The following ICA1L variants were observed in gnomAD, a reference collection of about 807,000 sequenced individuals.
ICA1L encodes the protein islet cell autoantigen 1 like.
ICA1L carries 50 observed loss-of-function variants against 61.3 expected under a neutral mutation model. The observed-to-expected ratio is 0.82, with a 90% CI of 0.65 to 1.03. The LOEUF (loss-of-function observed/expected upper bound fraction) is 1.03, where lower values mean the gene tolerates loss of function less well. ICA1L is among the 50% of genes least tolerant of loss of function. The pLI, the probability that ICA1L is intolerant of heterozygous loss-of-function variation, is 0.00. For missense variants in ICA1L, 508 were observed against 556.7 expected, an observed-to-expected ratio of 0.91 and a Z score of 0.88; for synonymous variants, 161 against 191.3, an observed-to-expected ratio of 0.84 and a Z score of 1.31.
intron 1 of ICA1L, among the ~76,000 whole-genome samples, chr2:202,830,933 C>T (rs187637771): frequency 7.2e-5 from 11 of 151,920 alleles, no homozygotes; most frequent in African/African-American, 2.2e-4. Context: ...AAACAAAAAT[C>T]GAAATCCAAC....
At chr2:202,837,520 C>T (rs1280605751) in intron 1 of ICA1L, among the ~76,000 whole-genome samples, 5 of 152,070 alleles carry the variant, frequency 3.3e-5, no homozygotes, top group Admixed American at 3.3e-4. Flanking sequence ...ATCCGCCCAC[C>T]TCAGCCTCCC....
At chr2:202,788,470 C>G (rs967891221) in intron 11 of ICA1L, among the ~76,000 whole-genome samples, 2 of 152,132 alleles carry the variant, frequency 1.3e-5, no homozygotes, top group African/African-American at 4.8e-5. Context: ...CAGAGCTGTT[C>G]TTTTTCCTCT....
At position 202,796,979 on chromosome 2, in the gene ICA1L, C is replaced by T; in HGVS notation, c.911-15G>A. On this transcript the variant is annotated splice_polypyrimidine_tract_variant and intron_variant, in intron 9 of 12. Coordinates refer to ENST00000358299, the MANE Select transcript of ICA1L (RefSeq NM_001288622.3). ...ATCTTTGTTTGCTAAATCAAAAGCA[C>T]ATAAAAGAGAAGTTGAACAAGAAGA... The T allele has an allele frequency of 1.3e-6, 2 of 1,556,158 alleles. No homozygotes were observed. Among genetic ancestry groups the T allele is most frequent in the Non-Finnish European group, 1.7e-6 (2 of 1,145,976 alleles).
intron 9 of ICA1L, among the ~76,000 whole-genome samples, chr2:202,798,451 G>A (rs1247692481): frequency 2.0e-5 from 3 of 152,050 alleles, no homozygotes; most frequent in Non-Finnish European, 4.4e-5. Flanking sequence ...ATGTTACCCA[G>A]GCAAGTTTTG....
chr2:202,821,682 C>A (rs982180011), intron 3 of ICA1L: 2 of 347,434 alleles, frequency 5.8e-6, no homozygotes, highest in African/African-American at 4.3e-5. Context: ...AATCTGGCTT[C>A]TTATCAGCAC....
chr2:202,871,075 A>G (rs1335766859), intron 1 of ICA1L: 3 of 152,160 alleles, frequency 2.0e-5, no homozygotes, highest in South Asian at 4.1e-4. Flanking sequence ...CACATTTACT[A>G]TGTTTTGTTT....
intron 1 of ICA1L, chr2:202,840,339 G>T: frequency 2.1e-6 from 1 of 481,696 alleles, no homozygotes; most frequent in Non-Finnish European, 4.1e-6. Context: ...GTTCACTTGG[G>T]CAGGACATCA....
rs777642431 is a variant in ICA1L at position 202,849,664 on chromosome 2, G to C, written c.-7-20648C>G. ...TTTAGATAAAACTCCCATCTCCCTAGGACAGAGCACCTGGGGGAAGGGGCA... is the reference window on the plus strand; with the variant it reads ...TTTAGATAAAACTCCCATCTCCCTACGACAGAGCACCTGGGGGAAGGGGCA... On this transcript the variant is annotated intron_variant, in intron 1 of 12. Coordinates refer to ENST00000358299, the MANE Select transcript of ICA1L (RefSeq NM_001288622.3). The surrounding 1 kb of genome is among the most constrained non-coding windows in gnomAD (Gnocchi z 4.5). Among the ~76,000 whole-genome samples, 1 of 152,184 alleles carries C rather than the reference G, an allele frequency of 6.6e-6. No homozygotes were observed. The highest frequency in any genetic ancestry group is 2.4e-5 in the African/African-American group (1 of 41,442).
intron 1 of ICA1L, among the ~76,000 whole-genome samples, chr2:202,865,497 A>C (rs1203781200): frequency 1.3e-5 from 2 of 152,034 alleles, no homozygotes; most frequent in Non-Finnish European, 2.9e-5. Flanking sequence ...ACAACAACAA[A>C]AAAACCCACA....
At chr2:202,827,122 G>A (rs1693867343) in intron 2 of ICA1L, among the ~76,000 whole-genome samples, 1 of 152,108 alleles carries the variant, frequency 6.6e-6, no homozygotes, top group Admixed American at 6.6e-5. Flanking sequence ...GGCTGGGCGC[G>A]GTGGCTCATG....
At chr2:202,827,979 G>GTA (rs752248087) in intron 2 of ICA1L, among the ~76,000 whole-genome samples, 4 of 152,136 alleles carry the variant, frequency 2.6e-5, no homozygotes, top group Non-Finnish European at 5.9e-5. Flanking sequence ...GCTTTAATTA[G>GTA]TATATATATG....
chr2:202,788,990 A>C lies in ICA1L; in HGVS notation c.1083T>G (p.Thr361=). The C allele has an allele frequency of 6.2e-7, 1 of 1,614,036 alleles. No individual in the cohort carries two copies. The highest frequency in any genetic ancestry group is 8.5e-7 in the Non-Finnish European group (1 of 1,179,954). Residue 361 remains threonine, a synonymous_variant, in exon 11 of 13, where the codon ACT becomes ACG. Coordinates refer to ENST00000358299, the MANE Select transcript of ICA1L (RefSeq NM_001288622.3). ...NNLLSSGSSS[T]SEFTQECQTA... ...TCTGGCATTCTTGGGTAAATTCACT[A>C]GTACTTGAAGAACCAGAACTTAGGA...
At chr2:202,806,134 C>CTT (rs1693218684) in intron 9 of ICA1L, among the ~76,000 whole-genome samples, 1 of 152,174 alleles carries the variant, frequency 6.6e-6, no homozygotes, top group Non-Finnish European at 1.5e-5. Flanking sequence ...CAAGGAAGTG[C>CTT]TTACATCACC....
At chr2:202,841,050 A>G in intron 1 of ICA1L, 1 of 655,110 alleles carries the variant, frequency 1.5e-6, no homozygotes, top group Non-Finnish European at 2.9e-6. Context: ...GCACAGCACC[A>G]CAGATGTGTC....
chr2:202,791,496 A>G (rs985912466), intron 10 of ICA1L, among the ~76,000 whole-genome samples: 1 of 152,226 alleles, frequency 6.6e-6, no homozygotes, highest in African/African-American at 2.4e-5. Context: ...ATAGCACATG[A>G]AAAGAGTCTC....
chr2:202,788,479 CT>C, intron 11 of ICA1L, among the ~76,000 whole-genome samples: 1 of 152,170 alleles, frequency 6.6e-6, no homozygotes, highest in Non-Finnish European at 1.5e-5. Context: ...TCTTTTTCCT[CT>C]TGTCAACTCT....
intron 8 of ICA1L, 146 bp from the exon 9 acceptor site, chr2:202,811,935 T>C (rs1334851210): frequency 4.4e-6 from 3 of 677,578 alleles, no homozygotes; most frequent in Non-Finnish European, 5.3e-6. Flanking sequence ...AATCTATATC[T>C]GGTGAATTTC....
intron 9 of ICA1L, among the ~76,000 whole-genome samples, chr2:202,807,053 G>A (rs1182084961): frequency 1.3e-5 from 2 of 152,104 alleles, no homozygotes; most frequent in Admixed American, 1.3e-4. Context: ...AGGGCAAGCT[G>A]GCTTAATAGA....
rs1380868870 is a variant in ICA1L at position 202,777,915 on chromosome 2, CT to C, written c.*1617del. ...TTTTTTTTTGAGACGGAGTCTTGCT[CT>C]GTTGCCTAGGCTGGAGTGCAGTGGC... is the stretch of plus-strand genomic sequence containing the variant. On this transcript the variant is annotated 3_prime_UTR_variant, in exon 13 of 13. Coordinates refer to ENST00000358299, the MANE Select transcript of ICA1L (RefSeq NM_001288622.3). The C allele has an allele frequency of 7.9e-6, 1 of 126,620 alleles. No individual in the cohort carries two copies. Among genetic ancestry groups the C allele is most frequent in the Non-Finnish European group, 1.6e-5 (1 of 63,804 alleles). 7.8% of individuals were successfully genotyped at this position (126,620 alleles called of 1,614,324 possible). A position where few individuals can be genotyped will look rare whatever the true frequency, so the allele number is the denominator to read the frequency against.
Sources: allele counts gnomAD v4.1 joint callset (sites outside exome capture counted in the v4.1 genomes callset), GRCh38; gene constraint gnomAD v4.1.1; non-coding constraint Gnocchi (gnomAD v3.1); transcripts MANE v1.5; gene names NCBI Gene and HGNC (gene_info 2026-07-23, HGNC 2026-07-21).